Variants in HMCN2 observed in about 807,000 individuals in gnomAD.
The protein encoded by HMCN2 is hemicentin 2.
Under a neutral mutation model 377.5 loss-of-function variants are expected in HMCN2, and 325 were observed. The observed-to-expected ratio is 0.86, with a 90% confidence interval of 0.79 to 0.94. The LOEUF (loss-of-function observed/expected upper bound fraction) is 0.94. Among genes scored for constraint, HMCN2 ranks in the 40% least tolerant of loss-of-function variants. HMCN2 has a pLI of 0.00. For missense variants in HMCN2, 4,543 were observed against 4,725.3 expected, an observed-to-expected ratio of 0.96 and a Z score of 1.13; for synonymous variants, 2,007 against 2,046.8, an observed-to-expected ratio of 0.98 and a Z score of 0.53.
At chr9:130,374,078 G>T (rs1197144382) in intron 48 of HMCN2, among the ~76,000 whole-genome samples, 1 of 151,854 alleles carries the variant, frequency 6.6e-6, no homozygotes, top group Non-Finnish European at 1.5e-5. Context: ...ATGAATGGAT[G>T]GTTGGATAGT....
chr9:130,283,439 C>G (rs137904883), intron 1 of HMCN2, among the ~76,000 whole-genome samples: 2 of 126,552 alleles, frequency 1.6e-5, no homozygotes, highest in Non-Finnish European at 3.2e-5. Flanking sequence ...CACTCAGTGA[C>G]GATCATTTGT....
Position 130,307,576 on chromosome 9 carries a change from T to C in HMCN2, c.2200+10T>C, listed in dbSNP as rs1264256873. Reference sequence around the variant, plus strand: ...GTCATCTGGTATCGAGGTGTGTTGGTGGGGAGGGGCCCTGAAGGAACAGCT... The same window carrying C: ...GTCATCTGGTATCGAGGTGTGTTGGCGGGGAGGGGCCCTGAAGGAACAGCT... On this transcript the variant is annotated intron_variant, in intron 14 of 97. Transcript: ENST00000683500. The C allele has an allele frequency of 2.1e-6, 1 of 470,974 alleles. No homozygotes were observed. The highest frequency in any genetic ancestry group is 2.4e-5 in the Admixed American group (1 of 42,552). The allele number at this position is 470,974 out of a possible 1,614,324, so 29.2% of individuals were successfully genotyped here. A position where few individuals can be genotyped will look rare whatever the true frequency, so the allele number is the denominator to read the frequency against.
chr9:130,326,866 C>T (rs1787360264), intron 21 of HMCN2, among the ~76,000 whole-genome samples: 1 of 152,158 alleles, frequency 6.6e-6, no homozygotes. Flanking sequence ...AATCCCTCAC[C>T]AGGCTTCGAG....
chr9:130,305,611 A>T (rs1306818259), intron 11 of HMCN2, among the ~76,000 whole-genome samples: 1 of 152,198 alleles, frequency 6.6e-6, no homozygotes, highest in Non-Finnish European at 1.5e-5. Flanking sequence ...GAAGGAGGGA[A>T]TCCACCAGCT....
chr9:130,405,485 C>A (rs1211186341), intron 81 of HMCN2, among the ~76,000 whole-genome samples: 2 of 152,116 alleles, frequency 1.3e-5, no homozygotes, highest in African/African-American at 4.8e-5. Context: ...TATGATGAGA[C>A]CCTCTCCAGA....
At chr9:130,350,354 G>A (rs1396850141) in intron 29 of HMCN2, among the ~76,000 whole-genome samples, 4 of 135,528 alleles carry the variant, frequency 3.0e-5, no homozygotes, top group Non-Finnish European at 3.1e-5. Flanking sequence ...CCAACACAGC[G>A]AGACCCTGTC....
At position 130,406,015 on chromosome 9, in the gene HMCN2, C is replaced by G; in HGVS notation, c.12400C>G (p.Arg4134Gly). Reference sequence around the variant, plus strand: ...GAACGCCGTGGGCCGGGCCCGCCGCCGCGTGCACCTCACCATCCTGGTACT... The same window carrying G: ...GAACGCCGTGGGCCGGGCCCGCCGCGGCGTGCACCTCACCATCCTGGTACT... ...AENAVGRARR[R>G]VHLTILVLPV... The change falls in exon 82 of 98, where the codon CGC (arginine) becomes GGC (glycine). Residue 4134 changes from arginine (R) to glycine (G), a missense_variant. Coordinates refer to ENST00000683500, the MANE Select transcript of HMCN2 (RefSeq NM_001291815.2). 7.8e-7 allele frequency: 1 copy of G among 1,289,790 alleles called. No homozygotes were observed. Among genetic ancestry groups the G allele is most frequent in the Non-Finnish European group, 1.0e-6 (1 of 988,858 alleles). The allele number at this position is 1,289,790 out of a possible 1,614,324, so 79.9% of individuals were successfully genotyped here. A position where few individuals can be genotyped will look rare whatever the true frequency, so the allele number is the denominator to read the frequency against.
intron 81 of HMCN2, 95 bp from the exon 82 acceptor site, chr9:130,405,860 G>A (rs1480427868): frequency 7.4e-6 from 7 of 948,864 alleles, no homozygotes; most frequent in South Asian, 1.6e-5. Context: ...CCCTCTCTGG[G>A]CTGGATGCTC....
intron 62 of HMCN2, among the ~76,000 whole-genome samples, chr9:130,388,831 G>A (rs11244130): frequency 0.099 from 15,087 of 152,156 alleles, 922 homozygotes; most frequent in Non-Finnish European, 0.14. Context: ...CATTGCGCAG[G>A]GCAGGTGCTG....
chr9:130,372,774 G>A (rs1269748552), intron 47 of HMCN2, among the ~76,000 whole-genome samples: 6 of 152,178 alleles, frequency 3.9e-5, no homozygotes, highest in South Asian at 4.1e-4. Context: ...AGGGACAATC[G>A]AAAGTGGAAG....
chr9:130,387,662 T>G (rs1677474441), intron 61 of HMCN2, among the ~76,000 whole-genome samples: 1 of 152,162 alleles, frequency 6.6e-6, no homozygotes, highest in African/African-American at 2.4e-5. Context: ...CTATGCACAG[T>G]GGGAAGAACG....
chr9:130,391,673 G>T, intron 65 of HMCN2, 99 bp downstream of exon 65: 1 of 964,890 alleles, frequency 1.0e-6, no homozygotes. Context: ...TGGGCCACGG[G>T]TCTCACTTCC....
At chr9:130,388,908 G>A (rs989823364) in intron 62 of HMCN2, among the ~76,000 whole-genome samples, 5 of 152,296 alleles carry the variant, frequency 3.3e-5, no homozygotes, top group African/African-American at 1.2e-4. Flanking sequence ...CTCCTTGGTG[G>A]TGACTCAGCT....
At chr9:130,364,151 G>C (rs1840562304) in intron 40 of HMCN2, among the ~76,000 whole-genome samples, 1 of 152,182 alleles carries the variant, frequency 6.6e-6, no homozygotes, top group African/African-American at 2.4e-5. Flanking sequence ...CCATTGGATT[G>C]AACCTCATGG....
chr9:130,384,790 G>T lies in HMCN2; in HGVS notation c.9098G>T (p.Ser3033Ile). 7.7e-7 allele frequency: 1 copy of T among 1,303,142 alleles called. No individual in the cohort carries two copies. The allele number at this position is 1,303,142 out of a possible 1,614,324, so 80.7% of individuals were successfully genotyped here. A position where few individuals can be genotyped will look rare whatever the true frequency, so the allele number is the denominator to read the frequency against. ...AGRDQKLVQL[S>I]VLVPPAFRQA... ...CGAGACCAGAAGCTGGTGCAGCTCA[G>T]TGTTCTGGGTATGTCCATGTCTGTC... Residue 3033 changes from serine to isoleucine, a missense_variant, in exon 59 of 98, where the codon AGT becomes ATT. Physicochemically the swap from Ser to Ile is moderately radical, Grantham distance 142. Transcript: ENST00000683500.
At chr9:130,356,056 G>A in intron 33 of HMCN2, 32 bp from the exon 34 acceptor site, 4 of 1,230,378 alleles carry the variant, frequency 3.3e-6, no homozygotes, top group Non-Finnish European at 4.2e-6. Flanking sequence ...CCTGGTCTCA[G>A]GTTGACACGC....
chr9:130,346,391 G>T (rs2131501026), intron 25 of HMCN2, among the ~76,000 whole-genome samples: 1 of 152,204 alleles, frequency 6.6e-6, no homozygotes, highest in Admixed American at 6.5e-5. Flanking sequence ...CACCTACTGT[G>T]TACCAGGCTG....
At chr9:130,350,262 T>A (rs1321739617) in intron 29 of HMCN2, among the ~76,000 whole-genome samples, 1 of 149,774 alleles carries the variant, frequency 6.7e-6, no homozygotes, top group African/African-American at 2.4e-5. Context: ...ATGGGCTGGG[T>A]GTGGTGGCTC....
chr9:130,318,022 G>A lies in HMCN2; in HGVS notation c.2351-1473G>A, dbSNP rs1230099344. Among the ~76,000 whole-genome samples the A allele has an allele frequency of 4.6e-5, 7 of 152,216 alleles. No individual in the cohort carries two copies. The East Asian group carries it at 1.4e-3, about 30-fold the overall frequency. On this transcript the variant is annotated intron_variant, in intron 15 of 97. Coordinates refer to ENST00000683500, the MANE Select transcript of HMCN2 (RefSeq NM_001291815.2). ...GGTATGGCAAAGCTGCACCCCTGGG[G>A]GCCAGGGCTCTGCAGGAACAGTGAC...
Sources: allele counts gnomAD v4.1 joint callset (sites outside exome capture counted in the v4.1 genomes callset), GRCh38; gene constraint gnomAD v4.1.1; transcripts MANE v1.5; gene names NCBI Gene and HGNC (gene_info 2026-07-23, HGNC 2026-07-21).